The following C1QTNF2 variants were observed in gnomAD, a reference collection of about 807,000 sequenced individuals.
The protein encoded by C1QTNF2 is C1q and TNF related 2.
In C1QTNF2, 15 loss-of-function variants were observed where a neutral mutation model predicts 17.4. The ratio of observed to expected loss-of-function variants is 0.86; its 90% CI spans 0.58 to 1.33. The LOEUF is 1.33. Among genes scored for constraint, C1QTNF2 ranks in the 40% most tolerant of loss-of-function variants. The pLI is 0.00. For synonymous variants in C1QTNF2, 154 were observed against 163.3 expected (o/e 0.94, Z 0.44); for missense variants, 381 against 392.3 (o/e 0.97, Z 0.24).
intron 1 of C1QTNF2, among the ~76,000 whole-genome samples, chr5:160,365,578 G>A (rs569513130): frequency 1.3e-5 from 2 of 151,950 alleles, no homozygotes. Flanking sequence ...ACCTCACCCC[G>A]CCATCTCTAC....
chr5:160,351,846 T>A lies in C1QTNF2; in HGVS notation c.245-2065A>T, dbSNP rs572309228. Among the ~76,000 whole-genome samples, 4 of 149,402 alleles carry A rather than the reference T, an allele frequency of 2.7e-5. No homozygotes were observed. The South Asian group carries it at 8.4e-4, about 31-fold the overall frequency. ...TCAGAAAAGTCACAAAGCTATTTCT[T>A]GAAAAAATGAAAATAAACAAAAGGT... On this transcript the variant is annotated intron_variant, in intron 2 of 2. Transcript: ENST00000652664.
In C1QTNF2 at chr5:160,348,918, G is replaced by T; in HGVS notation, c.*250C>A. On this transcript the variant is annotated 3_prime_UTR_variant, in exon 3 of 3. Coordinates refer to ENST00000652664, the MANE Select transcript of C1QTNF2 (RefSeq NM_031908.6). The stretch of plus-strand genomic sequence containing the variant: ...GGACAGATACTCTGTCTTGTCCACT[G>T]CTGCATCTTTCAGAGAATAGCATAG... The T allele has an allele frequency of 2.1e-6, 1 of 472,708 alleles. No homozygotes were observed. Among genetic ancestry groups the T allele is most frequent in the South Asian group, 4.0e-5 (1 of 25,168 alleles). The allele number at this position is 472,708 out of a possible 1,614,324, so 29.3% of individuals were successfully genotyped here. A position where few individuals can be genotyped will look rare whatever the true frequency, so the allele number is the denominator to read the frequency against.
At chr5:160,352,508 G>C (rs1210332752) in intron 2 of C1QTNF2, among the ~76,000 whole-genome samples, 1 of 152,162 alleles carries the variant, frequency 6.6e-6, no homozygotes, top group Non-Finnish European at 1.5e-5. Flanking sequence ...TCTCTGCAGA[G>C]ACTCAACACA....
intron 1 of C1QTNF2, among the ~76,000 whole-genome samples, chr5:160,359,074 C>G (rs913195201): frequency 1.3e-5 from 2 of 152,212 alleles, no homozygotes; most frequent in Non-Finnish European, 2.9e-5. Context: ...CCGCATCCAG[C>G]CTGCTGCATT....
chr5:160,362,568 G>C (rs986283161), intron 1 of C1QTNF2, among the ~76,000 whole-genome samples: 3 of 152,160 alleles, frequency 2.0e-5, no homozygotes, highest in African/African-American at 7.2e-5. Flanking sequence ...TCCTTCTTGA[G>C]ATGGTGTCAA....
intron 2 of C1QTNF2, among the ~76,000 whole-genome samples, chr5:160,352,100 G>A (rs1763935643): frequency 6.6e-6 from 1 of 151,968 alleles, no homozygotes; most frequent in Admixed American, 6.6e-5. Context: ...TTGTAGAAAT[G>A]GTGTCTCCCT....
Position 160,354,835 on chromosome 5 carries a change from T to C in C1QTNF2, c.177A>G (p.Arg59=), listed in dbSNP as rs774735032. ...GGCCGTCTTTGCCAGGAAAGCCCAT[T>C]CGTCCCATCATTCCTGAGGGCCCTG... The part of the protein sequence containing the change: ...GAPGPSGMMG[R]MGFPGKDGQD... Residue 59 remains arginine (R), a synonymous_variant, in exon 2 of 3, where the codon CGA becomes CGG. Coordinates refer to ENST00000652664, the MANE Select transcript of C1QTNF2 (RefSeq NM_031908.6). 8.7e-6 allele frequency: 14 copies of C among 1,613,166 alleles called. No homozygotes were observed. The highest frequency in any genetic ancestry group is 1.2e-5 in the Non-Finnish European group (14 of 1,179,856).
At position 160,358,752 on chromosome 5, in the gene C1QTNF2, G is replaced by A. The variant is rs551183053; in HGVS notation, c.-9-3732C>T. 5.9e-5 allele frequency among the ~76,000 whole-genome samples: 9 copies of A among 152,050 alleles called. No homozygotes were observed. The East Asian group carries it at 9.7e-4, about 16-fold the overall frequency. Reference sequence around the variant, plus strand: ...GGCAGAAGCAAACTGACCTTATTACGCACCTACAATGTTCCAGGCACTGTG... The same window carrying A: ...GGCAGAAGCAAACTGACCTTATTACACACCTACAATGTTCCAGGCACTGTG... On this transcript the variant is annotated intron_variant, in intron 1 of 2. Transcript: ENST00000652664.
In C1QTNF2 at chr5:160,349,837, G is replaced by A. The variant is rs114832571; in HGVS notation, c.245-56C>T. The A allele has an allele frequency of 6.8e-4, 1,016 of 1,494,812 alleles. 6 individuals are homozygous for A. The African/African-American group carries it at 0.013, about 19-fold the overall frequency. 92.6% of individuals were successfully genotyped at this position (1,494,812 alleles called of 1,614,324 possible). ...GGTCCTCACAGACCTAGGCAGAGGG[G>A]TGCGGTGCGGCTTGGTCTTCCAATC... On this transcript the variant is annotated intron_variant, in intron 2 of 2. Coordinates refer to ENST00000652664, the MANE Select transcript of C1QTNF2 (RefSeq NM_031908.6). The surrounding 1 kb of genome is among the most constrained non-coding windows in gnomAD (Gnocchi z 4.3).
rs1491410614 is a variant in C1QTNF2, at chr5:160,354,634, A to AGATAGATAGATT, written c.244+133_244+134insAATCTATCTATC. ...TATATATATATATATATATATATAT[A>AGATAGATAGATT]GATTTATAAGTAAATAGTAATTTGA... On this transcript the variant is annotated intron_variant, in intron 2 of 2. Coordinates refer to ENST00000652664, the MANE Select transcript of C1QTNF2 (RefSeq NM_031908.6). 4 of 413,568 alleles carry AGATAGATAGATT rather than the reference A, an allele frequency of 9.7e-6. No homozygotes were observed. The African/African-American group carries it at 1.0e-4, about 11-fold the overall frequency. 25.6% of individuals were successfully genotyped at this position (413,568 alleles called of 1,614,324 possible). A position where few individuals can be genotyped will look rare whatever the true frequency, so the allele number is the denominator to read the frequency against.
chr5:160,359,604 TTC>T (rs1764114153), intron 1 of C1QTNF2, among the ~76,000 whole-genome samples: 1 of 152,216 alleles, frequency 6.6e-6, no homozygotes, highest in African/African-American at 2.4e-5. Flanking sequence ...GTGATGCTTT[TTC>T]TCTCTCTTGG....
chr5:160,356,767 C>A (rs1295016171), intron 1 of C1QTNF2, among the ~76,000 whole-genome samples: 1 of 152,182 alleles, frequency 6.6e-6, no homozygotes, highest in African/African-American at 2.4e-5. Context: ...TCCTTCTGGG[C>A]TTTCAATCCC....
In C1QTNF2 at chr5:160,370,493, C is replaced by G. The variant is rs1764334466; in HGVS notation, c.-10+19G>C. 1.4e-6 allele frequency: 2 copies of G among 1,431,848 alleles called. No individual in the cohort carries two copies. Among genetic ancestry groups the G allele is most frequent in the African/African-American group, 1.5e-5 (1 of 67,036 alleles). The allele number at this position is 1,431,848 out of a possible 1,614,324, so 88.7% of individuals were successfully genotyped here. ...CGCGCACTTGCCGCCCCCGCCCGAC[C>G]GCGGTGCGGGACACTCACCCTCGCG... On this transcript the variant is annotated intron_variant, in intron 1 of 2. Coordinates refer to ENST00000652664, the MANE Select transcript of C1QTNF2 (RefSeq NM_031908.6).
chr5:160,365,674 T>C (rs1352393017), intron 1 of C1QTNF2, among the ~76,000 whole-genome samples: 1 of 152,208 alleles, frequency 6.6e-6, no homozygotes, highest in Non-Finnish European at 1.5e-5. Flanking sequence ...TGTTTGACCT[T>C]GGGCCAAGTT....
intron 1 of C1QTNF2, among the ~76,000 whole-genome samples, chr5:160,365,118 G>GA (rs886643596): frequency 6.6e-6 from 1 of 152,164 alleles, no homozygotes; most frequent in African/African-American, 2.4e-5. Flanking sequence ...AACCGGGAAA[G>GA]AAAAGCCTCA....
intron 1 of C1QTNF2, 123 bp downstream of exon 1, chr5:160,370,389 A>T: frequency 1.6e-6 from 2 of 1,264,532 alleles, no homozygotes; most frequent in Non-Finnish European, 2.0e-6. Flanking sequence ...GCCCGCAATA[A>T]AGGCGCGCTG....
chr5:160,350,863 G>GGAA (rs944377518), intron 2 of C1QTNF2, among the ~76,000 whole-genome samples: 4 of 150,690 alleles, frequency 2.7e-5, no homozygotes, highest in East Asian at 3.9e-4. Context: ...CCATTCTTCT[G>GGAA]CCTCAGCCTC....
chr5:160,365,694 C>A (rs759940983), intron 1 of C1QTNF2, among the ~76,000 whole-genome samples: 2 of 152,212 alleles, frequency 1.3e-5, no homozygotes, highest in Non-Finnish European at 2.9e-5. Context: ...TATTTAATCT[C>A]TCTAGGCCTC....
In C1QTNF2 at chr5:160,351,244, T is replaced by C. The variant is rs546156812; in HGVS notation, c.245-1463A>G. On this transcript the variant is annotated intron_variant, in intron 2 of 2. Transcript: ENST00000652664. ...TTTCTCTCAATCCAACATTTTTGGC[T>C]ACTGATTGCATAAAATCAATTTAGT... 1.4e-3 allele frequency among the ~76,000 whole-genome samples: 210 copies of C among 152,330 alleles called. 1 individual carries two copies. Among genetic ancestry groups the C allele is most frequent in the African/African-American group, 4.9e-3 (203 of 41,582 alleles).
Sources: gnomAD v4.1 joint callset for allele counts (sites outside exome capture counted in the v4.1 genomes callset) on GRCh38, gnomAD v4.1.1 for gene constraint, Gnocchi (gnomAD v3.1) non-coding constraint, MANE v1.5 for transcripts, NCBI Gene and HGNC (gene_info 2026-07-23, HGNC 2026-07-21) for gene names.